ADAM32: variants seen among roughly 807,000 people sequenced by gnomAD.
ADAM32 encodes ADAM metallopeptidase domain 32.
Under a neutral mutation model 114.9 loss-of-function variants are expected in ADAM32, and 89 were observed. That is an observed-to-expected ratio of 0.77 (90% CI 0.65 to 0.92). ADAM32 has a LOEUF of 0.92. Among genes scored for constraint, ADAM32 ranks in the 40% least tolerant of loss-of-function variants. ADAM32 has a pLI of 0.00. For synonymous variants in ADAM32, 285 were observed against 307.5 expected (o/e 0.93, Z 0.77); for missense variants, 870 against 932.8 (o/e 0.93, Z 0.88).
chr8:39,147,025 A>G (rs531606755), intron 3 of ADAM32, 105 bp from the exon 4 acceptor site: 93 of 428,626 alleles, frequency 2.2e-4, no homozygotes, highest in Non-Finnish European at 3.1e-4. Context: ...CTTTATTTAC[A>G]AAACAGAGGG....
At chr8:39,187,175 A>C (rs1006873056) in intron 11 of ADAM32, 130 bp downstream of exon 11, 4 of 766,758 alleles carry the variant, frequency 5.2e-6, no homozygotes, top group Non-Finnish European at 7.9e-6. Flanking sequence ...TAAACATGTA[A>C]TTTTAAATGT....
chr8:39,110,968 G>T (rs1840131490), intron 1 of ADAM32, among the ~76,000 whole-genome samples: 1 of 152,158 alleles, frequency 6.6e-6, no homozygotes, highest in Non-Finnish European at 1.5e-5. Context: ...TCTATTCTGG[G>T]TATTTCGTAT....
At chr8:39,270,789 T>C (rs1564727692) in intron 19 of ADAM32, 87 bp from the exon 20 acceptor site, 4 of 1,004,176 alleles carry the variant, frequency 4.0e-6, no homozygotes, top group South Asian at 1.4e-5. Context: ...AAGGAGATAA[T>C]ACTGATTATA....
At position 39,221,669 on chromosome 8, in the gene ADAM32, A is replaced by G; in HGVS notation, c.1293A>G (p.Lys431=). The change falls in exon 13 of 25, where the codon AAA becomes AAG. Residue 431 remains lysine, a synonymous_variant. Transcript: ENST00000379907. The stretch of plus-strand genomic sequence containing the variant: ...CTTGTGTACTGAAAGACGGAGCAAA[A>G]TGTTATAAAGGACTGTGCTGCAAAG... The part of the protein sequence containing the change: ...FRTCVLKDGA[K]CYKGLCCKDC... The G allele has an allele frequency of 6.2e-7, 1 of 1,612,144 alleles. No homozygotes were observed. Among genetic ancestry groups the G allele is most frequent in the Non-Finnish European group, 8.5e-7 (1 of 1,178,828 alleles).
intron 20 of ADAM32, among the ~76,000 whole-genome samples, chr8:39,272,224 A>G (rs999646962): frequency 6.6e-5 from 10 of 152,178 alleles, no homozygotes; most frequent in Admixed American, 5.9e-4. Flanking sequence ...AGGTCAATGT[A>G]ATTAGCTCTC....
intron 6 of ADAM32, among the ~76,000 whole-genome samples, chr8:39,159,869 G>A (rs1804383281): frequency 6.6e-6 from 1 of 152,172 alleles, no homozygotes; most frequent in African/African-American, 2.4e-5. Flanking sequence ...TATCTTAATG[G>A]ATGCCAATGA....
At chr8:39,239,398 A>C (rs1810404932) in intron 16 of ADAM32, among the ~76,000 whole-genome samples, 1 of 152,206 alleles carries the variant, frequency 6.6e-6, no homozygotes. Context: ...CCAAACCAGC[A>C]CTACAAAAAC....
intron 19 of ADAM32, among the ~76,000 whole-genome samples, chr8:39,257,914 G>A (rs770776213): frequency 6.6e-6 from 1 of 151,970 alleles, no homozygotes; most frequent in Non-Finnish European, 1.5e-5. Context: ...TATAAAATAA[G>A]CCATTGTATT....
At chr8:39,168,518 T>A (rs916208845) in intron 9 of ADAM32, 3 of 152,204 alleles carry the variant, frequency 2.0e-5, no homozygotes, top group African/African-American at 7.2e-5. Context: ...TCCAGGGGAA[T>A]GCTGAGTTGG....
intron 3 of ADAM32, among the ~76,000 whole-genome samples, chr8:39,140,502 C>G (rs1803083227): frequency 6.6e-6 from 1 of 152,186 alleles, no homozygotes; most frequent in Non-Finnish European, 1.5e-5. Context: ...AGGGATGAAG[C>G]TGAGTTGATC....
chr8:39,129,931 G>T, intron 2 of ADAM32: 2 of 348,598 alleles, frequency 5.7e-6, no homozygotes, highest in South Asian at 4.4e-5. Flanking sequence ...CAATATGTTG[G>T]CATAAAATTG....
chr8:39,207,788 C>CT (rs1807946456), intron 11 of ADAM32, among the ~76,000 whole-genome samples: 1 of 152,164 alleles, frequency 6.6e-6, no homozygotes, highest in Admixed American at 6.5e-5. Context: ...ATGAAATCAA[C>CT]TTTTTAAAAA....
At chr8:39,224,243 T>C (rs1809188815) in intron 14 of ADAM32, 1 of 152,114 alleles carries the variant, frequency 6.6e-6, no homozygotes, top group Non-Finnish European at 1.5e-5. Flanking sequence ...AACATGGGGG[T>C]GCACATATCT....
intron 12 of ADAM32, among the ~76,000 whole-genome samples, chr8:39,218,990 C>T (rs2129448687): frequency 6.6e-6 from 1 of 152,164 alleles, no homozygotes; most frequent in East Asian, 1.9e-4. Context: ...TTGATCCTTC[C>T]CGGATGGGGT....
At chr8:39,275,701 C>A in intron 21 of ADAM32, 127 bp from the exon 22 acceptor site, 3 of 811,732 alleles carry the variant, frequency 3.7e-6, no homozygotes, top group South Asian at 2.7e-5. Flanking sequence ...TGAAATTATT[C>A]TTCAGTGGTG....
At chr8:39,189,971 C>T (rs936211633) in intron 11 of ADAM32, among the ~76,000 whole-genome samples, 6 of 152,146 alleles carry the variant, frequency 3.9e-5, no homozygotes, top group Non-Finnish European at 8.8e-5. Context: ...CCAGCCACCA[C>T]GCCTGGCTAA....
chr8:39,148,270 A>G (rs895119638), intron 4 of ADAM32, among the ~76,000 whole-genome samples: 6 of 152,044 alleles, frequency 3.9e-5, no homozygotes, highest in Non-Finnish European at 8.8e-5. Flanking sequence ...TTGTTCCAGC[A>G]TTGTTGTTCT....
intron 11 of ADAM32, among the ~76,000 whole-genome samples, chr8:39,205,997 TC>T (rs1807805004): frequency 6.6e-6 from 1 of 152,246 alleles, no homozygotes; most frequent in Non-Finnish European, 1.5e-5. Context: ...ATCTGGTGTA[TC>T]AGTTGCTTCT....
chr8:39,151,293 ATTTT>A (rs903671749), intron 5 of ADAM32, 80 bp from the exon 6 acceptor site: 4 of 1,197,066 alleles, frequency 3.3e-6, no homozygotes, highest in Middle Eastern at 2.9e-4. Context: ...AAAACGTTTT[ATTTT>A]TTTTTCTTTT....
Sources: allele counts gnomAD v4.1 joint callset (sites outside exome capture counted in the v4.1 genomes callset), GRCh38; gene constraint gnomAD v4.1.1; transcripts MANE v1.5; gene names NCBI Gene and HGNC (gene_info 2026-07-23, HGNC 2026-07-21).